RAB9B: variants seen among roughly 807,000 people sequenced by gnomAD.
The protein encoded by RAB9B is ras-related protein Rab-9B.
Under a neutral mutation model 8.9 loss-of-function variants are expected in RAB9B, and 1 was observed. The observed-to-expected ratio is 0.11, with a 90% CI of 0.04 to 0.53. The LOEUF (loss-of-function observed/expected upper bound fraction) is 0.53. RAB9B is among the 20% of genes least tolerant of loss of function. The probability of loss-of-function intolerance (pLI) is 0.93; values close to 1 mark genes in which losing one functional copy is unlikely to be tolerated. For missense variants in RAB9B, 82 were observed against 152.9 expected, an observed-to-expected ratio of 0.54 and a Z score of 2.45; for synonymous variants, 63 against 57.0, an observed-to-expected ratio of 1.10 and a Z score of -0.47.
At chrX:103,795,276 A>G in the RAB9B span, among the ~76,000 whole-genome samples, 3 of 111,130 alleles carry the variant, frequency 2.7e-5, no homozygotes, top group African/African-American at 9.8e-5. Context: ...AAAAAGATAT[A>G]GACATGTAAG....
chrX:103,798,905 G>T, the RAB9B span, among the ~76,000 whole-genome samples: 4 of 108,660 alleles, frequency 3.7e-5, no homozygotes, highest in Non-Finnish European at 7.6e-5. Context: ...CTCCCAAAGT[G>T]CTGGGATTAC....
At chrX:103,811,493 A>C in the RAB9B span, among the ~76,000 whole-genome samples, 1 of 112,086 alleles carries the variant, frequency 8.9e-6, no homozygotes. Flanking sequence ...TATAAACATT[A>C]ATTTTTATTA....
chrX:103,780,541 C>T, the RAB9B span, among the ~76,000 whole-genome samples: 9 of 109,681 alleles, frequency 8.2e-5, no homozygotes, highest in South Asian at 4.0e-4. Flanking sequence ...AATACTAAAT[C>T]GTGTCCAAAG....
intron 1 of RAB9B, among the ~76,000 whole-genome samples, chrX:103,830,407 G>T (rs986966951): frequency 9.0e-6 from 1 of 111,666 alleles, no homozygotes; most frequent in African/African-American, 3.3e-5. Context: ...CACTAAATAC[G>T]TAAATAGGAA....
chrX:103,776,635 A>C, the RAB9B span: 1 of 233,503 alleles, frequency 4.3e-6, no homozygotes, highest in African/African-American at 2.8e-5. Context: ...TCTGCAGCAA[A>C]GCGAAATTCC....
the RAB9B span, among the ~76,000 whole-genome samples, chrX:103,801,121 G>T: frequency 1.8e-5 from 2 of 111,086 alleles, no homozygotes; most frequent in Non-Finnish European, 3.8e-5. Flanking sequence ...GTCTTCCTGG[G>T]CTTACAGTGG....
the RAB9B span, among the ~76,000 whole-genome samples, chrX:103,810,139 G>A: frequency 9.0e-6 from 1 of 111,434 alleles, no homozygotes; most frequent in East Asian, 2.8e-4. Flanking sequence ...TGAGTAAGGG[G>A]CCAGGAAAGA....
chrX:103,817,272 C>T, the RAB9B span, among the ~76,000 whole-genome samples: 17 of 111,420 alleles, frequency 1.5e-4, no homozygotes, highest in Non-Finnish European at 1.9e-5. Flanking sequence ...GAGTTTGTGT[C>T]CTCTTGTGGG....
the RAB9B span, among the ~76,000 whole-genome samples, chrX:103,795,918 C>A: frequency 8.9e-6 from 1 of 111,853 alleles, no homozygotes; most frequent in Non-Finnish European, 1.9e-5. Flanking sequence ...TTCCTACCTT[C>A]CTGTTGGTGA....
chrX:103,794,891 T>A, the RAB9B span, among the ~76,000 whole-genome samples: 2 of 112,111 alleles, frequency 1.8e-5, no homozygotes, highest in Non-Finnish European at 3.8e-5. Context: ...GTCTATGTGC[T>A]CCTGTTCTGA....
At chrX:103,815,324 G>C in the RAB9B span, among the ~76,000 whole-genome samples, 1 of 112,371 alleles carries the variant, frequency 8.9e-6, no homozygotes, top group African/African-American at 3.2e-5. Context: ...CACATAAACA[G>C]AACCAATGAT....
the RAB9B span, chrX:103,787,901 C>G: frequency 8.3e-7 from 1 of 1,209,220 alleles, no homozygotes; most frequent in Non-Finnish European, 1.1e-6. Context: ...ACCTGCCAGT[C>G]TATTGCCTTC....
Position 103,822,560 on chromosome X carries a change from A to G in RAB9B, c.*2619T>C, listed in dbSNP as rs1284510301. 8.9e-6 allele frequency: 1 copy of G among 111,834 alleles called. No individual in the cohort carries two copies. The highest frequency in any genetic ancestry group is 3.3e-5 in the African/African-American group (1 of 30,740). The allele number at this position is 111,834 out of a possible 1,213,427, so 9.2% of individuals were successfully genotyped here. On this transcript the variant is annotated 3_prime_UTR_variant, in exon 3 of 3. Transcript: ENST00000243298. ...GAGGCCCCTGAAAGTTAGCCAATACATGACAATAAACTAAATAAATATTCT... is the reference window on the plus strand; with the variant it reads ...GAGGCCCCTGAAAGTTAGCCAATACGTGACAATAAACTAAATAAATATTCT...
At chrX:103,802,676 T>C in the RAB9B span, among the ~76,000 whole-genome samples, 2 of 111,722 alleles carry the variant, frequency 1.8e-5, no homozygotes, top group Non-Finnish European at 3.8e-5. Flanking sequence ...ATAATTCATA[T>C]ACAATTGACC....
At chrX:103,810,290 T>C in the RAB9B span, among the ~76,000 whole-genome samples, 4 of 111,660 alleles carry the variant, frequency 3.6e-5, no homozygotes, top group African/African-American at 1.3e-4. Flanking sequence ...AACTCTTTTG[T>C]CTTAGCAGAG....
At chrX:103,802,366 C>T in the RAB9B span, among the ~76,000 whole-genome samples, 1 of 110,736 alleles carries the variant, frequency 9.0e-6, no homozygotes, top group Admixed American at 9.6e-5. Context: ...CAATTCTCAG[C>T]CACCTGAGGT....
downstream of RAB9B, among the ~76,000 whole-genome samples, chrX:103,817,854 A>G (rs899560471): frequency 1.8e-5 from 2 of 111,441 alleles, no homozygotes; most frequent in African/African-American, 6.5e-5. Flanking sequence ...TATCATGGTG[A>G]CCAAAGCTTA....
At chrX:103,819,778 T>C (rs1014489446), downstream of RAB9B, among the ~76,000 whole-genome samples, 2 of 112,256 alleles carry the variant, frequency 1.8e-5, no homozygotes, top group East Asian at 5.5e-4. Flanking sequence ...CTTTTGGTGA[T>C]GGAAACTTGA....
the RAB9B span, chrX:103,785,907 C>T: frequency 1.4e-6 from 1 of 712,786 alleles, no homozygotes; most frequent in Non-Finnish European, 2.2e-6. Flanking sequence ...TCCCTCTGTG[C>T]AGATCTCTCC....
Sources: allele counts gnomAD v4.1 joint callset (sites outside exome capture counted in the v4.1 genomes callset), GRCh38; gene constraint gnomAD v4.1.1; transcripts MANE v1.5; gene names NCBI Gene and HGNC (gene_info 2026-07-23, HGNC 2026-07-21).